CLDN4: variants seen among roughly 807,000 people sequenced by gnomAD.
CLDN4 encodes the protein claudin 4, also known as claudin-4.
In CLDN4, 12 loss-of-function variants were observed where a neutral mutation model predicts 13.7. That is an observed-to-expected ratio of 0.88 (90% CI 0.56 to 1.42). The LOEUF (loss-of-function observed/expected upper bound fraction) is 1.42, where lower values mean the gene tolerates loss of function less well. Among genes scored for constraint, CLDN4 ranks in the 40% most tolerant of loss-of-function variants. The pLI, the probability that CLDN4 is intolerant of heterozygous loss-of-function variation, is 0.00. For synonymous variants in CLDN4, 152 were observed against 140.6 expected, an observed-to-expected ratio of 1.08 and a Z score of -0.57; for missense variants, 252 against 297.4, an observed-to-expected ratio of 0.85 and a Z score of 1.12.
chr7:73,831,086 G>A lies in CLDN4; in HGVS notation c.-116G>A, dbSNP rs902909393. 52 of 1,277,884 alleles carry A rather than the reference G, an allele frequency of 4.1e-5. 1 individual carries two copies. Among genetic ancestry groups the A allele is most frequent in the Middle Eastern group, 4.3e-4 (2 of 4,686 alleles). 79.2% of individuals were successfully genotyped at this position (1,277,884 alleles called of 1,614,324 possible). ...GGACTGGCTTTATCTCCTGACTCACGGTGCAAAGGTGCACTCTGCGAACGT... is the reference window on the plus strand; with the variant it reads ...GGACTGGCTTTATCTCCTGACTCACAGTGCAAAGGTGCACTCTGCGAACGT... On this transcript the variant is annotated 5_prime_UTR_variant, in exon 1 of 1. Coordinates refer to ENST00000340958, the MANE Select transcript of CLDN4 (RefSeq NM_001305.5).
In CLDN4 at chr7:73,832,078, G is replaced by C; in HGVS notation, c.*247G>C. 2.0e-6 allele frequency: 1 copy of C among 488,664 alleles called. No individual in the cohort carries two copies. Among genetic ancestry groups the C allele is most frequent in the Non-Finnish European group, 3.7e-6 (1 of 272,756 alleles). The allele number at this position is 488,664 out of a possible 1,614,324, so 30.3% of individuals were successfully genotyped here. On this transcript the variant is annotated 3_prime_UTR_variant, in exon 1 of 1. Coordinates refer to ENST00000340958, the MANE Select transcript of CLDN4 (RefSeq NM_001305.5). ...CTCCTCTGGATATTGGGGAGGGACG[G>C]AAGTGACAGGGTGTGGTGGTGGAGT...
rs1788024831 is a variant in CLDN4 at position 73,831,288 on chromosome 7, G to A, written c.87G>A (p.Met29Ile). The change falls in exon 1 of 1, where the codon ATG (methionine) becomes ATA (isoleucine). Residue 29 changes from methionine (M) to isoleucine (I), a missense_variant. Met to Ile is a conservative substitution (Grantham distance 10). Coordinates refer to ENST00000340958, the MANE Select transcript of CLDN4 (RefSeq NM_001305.5). ...TCATGCTGTGCTGCGCGCTGCCCAT[G>A]TGGCGCGTGACGGCCTTCATCGGCA... is the stretch of plus-strand genomic sequence containing the variant. ...LAVMLCCALP[M>I]WRVTAFIGSN... 1.2e-6 allele frequency: 2 copies of A among 1,613,454 alleles called. No homozygotes were observed. Among genetic ancestry groups the A allele is most frequent in the South Asian group, 2.2e-5 (2 of 90,998 alleles).
Position 73,831,941 on chromosome 7 carries a change from C to G in CLDN4, c.*110C>G. 7.1e-7 allele frequency: 1 copy of G among 1,413,422 alleles called. No individual in the cohort carries two copies. The highest frequency in any genetic ancestry group is 9.6e-7 in the Non-Finnish European group (1 of 1,043,536). The allele number at this position is 1,413,422 out of a possible 1,614,324, so 87.6% of individuals were successfully genotyped here. On this transcript the variant is annotated 3_prime_UTR_variant, in exon 1 of 1. Coordinates refer to ENST00000340958, the MANE Select transcript of CLDN4 (RefSeq NM_001305.5). ...GCCACGGGCCACTGGCTGCTGGGGACTGGGGACTGGGCAGAGACTGAGCCA... is the reference window on the plus strand; with the variant it reads ...GCCACGGGCCACTGGCTGCTGGGGAGTGGGGACTGGGCAGAGACTGAGCCA...
Position 73,831,762 on chromosome 7 carries a change from C to T in CLDN4, c.561C>T (p.Pro187=). ...GGCTGCTTTGCTGCAACTGTCCACC[C>T]CGCACAGACAAGCCTTACTCCGCCA... ...GGGLLCCNCP[P]RTDKPYSAKY... The change falls in exon 1 of 1, where the codon CCC becomes CCT. Residue 187 remains proline, a synonymous_variant. Transcript: ENST00000340958. 1.2e-6 allele frequency: 2 copies of T among 1,607,416 alleles called. No homozygotes were observed. The highest frequency in any genetic ancestry group is 1.7e-6 in the Non-Finnish European group (2 of 1,175,748).
In CLDN4 at chr7:73,831,194, G is replaced by A. The variant is rs782506122; in HGVS notation, c.-8G>A. 3.2e-6 allele frequency: 5 copies of A among 1,545,316 alleles called. No individual in the cohort carries two copies. Among genetic ancestry groups the A allele is most frequent in the Non-Finnish European group, 2.6e-6 (3 of 1,143,762 alleles). On this transcript the variant is annotated 5_prime_UTR_variant, in exon 1 of 1. Coordinates refer to ENST00000340958, the MANE Select transcript of CLDN4 (RefSeq NM_001305.5). ...TTCCAGGTCCTCAACTCCCGTGGAC[G>A]CTGAACAATGGCCTCCATGGGGCTA...
rs782432494 is a variant in CLDN4, at chr7:73,831,293, G to A, written c.92G>A (p.Arg31His). The A allele has an allele frequency of 2.2e-5, 36 of 1,613,576 alleles. No individual in the cohort carries two copies. The East Asian group carries it at 3.8e-4, about 17-fold the overall frequency. Residue 31 changes from arginine (R) to histidine (H), a missense_variant, in exon 1 of 1, where the codon CGC becomes CAC. Arg to His is a conservative substitution (Grantham distance 29, BLOSUM62 0). Coordinates refer to ENST00000340958, the MANE Select transcript of CLDN4 (RefSeq NM_001305.5). ...CTGTGCTGCGCGCTGCCCATGTGGC[G>A]CGTGACGGCCTTCATCGGCAGCAAC... ...VMLCCALPMWRVTAFIGSNIV... is the reference protein window; with the variant it reads ...VMLCCALPMWHVTAFIGSNIV...
In CLDN4 at chr7:73,831,483, C is replaced by T. The variant is rs782540326; in HGVS notation, c.282C>T (p.Gly94=). Residue 94 remains glycine (G), a synonymous_variant, in exon 1 of 1, where the codon GGC becomes GGT. Coordinates refer to ENST00000340958, the MANE Select transcript of CLDN4 (RefSeq NM_001305.5). ...TCAGCATCATCGTGGCTGCTCTGGG[C>T]GTGCTGCTGTCCGTGGTGGGGGGCA... ...VIISIIVAAL[G]VLLSVVGGKC... The T allele has an allele frequency of 1.2e-5, 19 of 1,614,062 alleles. No homozygotes were observed. The highest frequency in any genetic ancestry group is 1.7e-5 in the Admixed American group (1 of 60,014).
In CLDN4 at chr7:73,832,034, A is replaced by G. The variant is rs998199512; in HGVS notation, c.*203A>G. 8.3e-6 allele frequency: 5 copies of G among 601,162 alleles called. No individual in the cohort carries two copies. The highest frequency in any genetic ancestry group is 6.7e-5 in the Admixed American group (2 of 29,790). The allele number at this position is 601,162 out of a possible 1,614,324, so 37.2% of individuals were successfully genotyped here. A position where few individuals can be genotyped will look rare whatever the true frequency, so the allele number is the denominator to read the frequency against. On this transcript the variant is annotated 3_prime_UTR_variant, in exon 1 of 1. Transcript: ENST00000340958. The stretch of plus-strand genomic sequence containing the variant: ...CAACTTCCCAAGGCCGCCTCCTGCT[A>G]GCAAGAACAGAGTCCACCCTCCTCT...
In CLDN4 at chr7:73,831,412, C is replaced by G. The variant is rs1554634078; in HGVS notation, c.211C>G (p.Leu71Val). The G allele has an allele frequency of 1.9e-6, 3 of 1,614,144 alleles. No homozygotes were observed. Among genetic ancestry groups the G allele is most frequent in the Admixed American group, 3.3e-5 (2 of 60,024 alleles). ...GCAGTGCAAGGTGTACGACTCGCTG[C>G]TGGCACTGCCGCAGGACCTGCAGGC... The part of the protein sequence containing the change: ...QMQCKVYDSL[L>V]ALPQDLQAAR... Residue 71 changes from leucine (L) to valine (V), a missense_variant, in exon 1 of 1, where the codon CTG becomes GTG. Transcript: ENST00000340958.
chr7:73,831,828 G>A lies in CLDN4; in HGVS notation c.627G>A (p.Val209=), dbSNP rs369534695. 1.3e-6 allele frequency: 2 copies of A among 1,564,052 alleles called. No homozygotes were observed. The highest frequency in any genetic ancestry group is 2.7e-5 in the African/African-American group (2 of 74,094). Residue 209 remains valine (V), a synonymous_variant, in exon 1 of 1, where the codon GTG becomes GTA. Coordinates refer to ENST00000340958, the MANE Select transcript of CLDN4 (RefSeq NM_001305.5). ...GCTCTGCTGCTGCCAGCAACTACGTGTAAGGTGCCACGGCTCCACTCTGTT... is the reference window on the plus strand; with the variant it reads ...GCTCTGCTGCTGCCAGCAACTACGTATAAGGTGCCACGGCTCCACTCTGTT... ...AARSAAASNY[V]
rs369886802 is a variant in CLDN4, at chr7:73,831,217, C to T, written c.16C>T (p.Leu6=). MASMG[L]QVMGIALAVL... is the part of the protein sequence containing the mutation. ...ACGCTGAACAATGGCCTCCATGGGG[C>T]TACAGGTAATGGGCATCGCGCTGGC... Residue 6 remains leucine, a synonymous_variant, in exon 1 of 1, where the codon CTA becomes TTA. Transcript: ENST00000340958. 2.9e-5 allele frequency: 46 copies of T among 1,572,720 alleles called. No individual in the cohort carries two copies. The highest frequency in any genetic ancestry group is 1.6e-4 in the Admixed American group (9 of 57,408).
Position 73,831,772 on chromosome 7 carries a change from A to G in CLDN4, c.571A>G (p.Lys191Glu), listed in dbSNP as rs782191312. The G allele has an allele frequency of 6.9e-5, 111 of 1,601,790 alleles. No homozygotes were observed. The highest frequency in any genetic ancestry group is 9.3e-5 in the Non-Finnish European group (109 of 1,172,338). The stretch of plus-strand genomic sequence containing the variant: ...CTGCAACTGTCCACCCCGCACAGAC[A>G]AGCCTTACTCCGCCAAGTATTCTGC... ...LCCNCPPRTDKPYSAKYSAAR... is the reference protein window; with the variant it reads ...LCCNCPPRTDEPYSAKYSAAR... Residue 191 changes from lysine (K) to glutamate (E), a missense_variant, in exon 1 of 1, where the codon AAG becomes GAG. Physicochemically the swap from Lys to Glu is moderately conservative, Grantham distance 56 (BLOSUM62 1). Transcript: ENST00000340958.
In CLDN4 at chr7:73,831,005, TG is replaced by T; in HGVS notation, c.-195del. ...AACCTGTCCCCGAGAGAGAGTGCCC[TG>T]GCAGCTGTCGGCTGGAAGGAACTGG... On this transcript the variant is annotated 5_prime_UTR_variant, in exon 1 of 1. Coordinates refer to ENST00000340958, the MANE Select transcript of CLDN4 (RefSeq NM_001305.5). 1 of 569,944 alleles carries T rather than the reference TG, an allele frequency of 1.8e-6. No individual in the cohort carries two copies. Among genetic ancestry groups the T allele is most frequent in the Non-Finnish European group, 2.9e-6 (1 of 342,304 alleles). The allele number at this position is 569,944 out of a possible 1,614,324, so 35.3% of individuals were successfully genotyped here. A position where few individuals can be genotyped will look rare whatever the true frequency, so the allele number is the denominator to read the frequency against.
chr7:73,831,899 G>A lies in CLDN4; in HGVS notation c.*68G>A. 6.6e-7 allele frequency: 1 copy of A among 1,509,592 alleles called. No individual in the cohort carries two copies. 93.5% of individuals were successfully genotyped at this position (1,509,592 alleles called of 1,614,324 possible). ...CTGGACTGAGCTCAGCGCAGGCTGT[G>A]ACCCCAGGAGGGCCCTGCCACGGGC... On this transcript the variant is annotated 3_prime_UTR_variant, in exon 1 of 1. Transcript: ENST00000340958.
chr7:73,831,526 G>A lies in CLDN4; in HGVS notation c.325G>A (p.Glu109Lys). 6.2e-7 allele frequency: 1 copy of A among 1,614,242 alleles called. No homozygotes were observed. The highest frequency in any genetic ancestry group is 1.7e-5 in the Admixed American group (1 of 60,038). The change falls in exon 1 of 1, where the codon GAG becomes AAG. Residue 109 changes from glutamate to lysine, a missense_variant. Coordinates refer to ENST00000340958, the MANE Select transcript of CLDN4 (RefSeq NM_001305.5). The part of the protein sequence containing the change: ...VVGGKCTNCL[E>K]DESAKAKTMI... ...GGGGGGCAAGTGTACCAACTGCCTG[G>A]AGGATGAAAGCGCCAAGGCCAAGAC...
rs782488509 is a variant in CLDN4, at chr7:73,831,500, T to TG, written c.305dup (p.Lys103GlnfsTer9). The TG allele has an allele frequency of 1.9e-6, 3 of 1,613,932 alleles. No homozygotes were observed. The highest frequency in any genetic ancestry group is 1.7e-6 in the Non-Finnish European group (2 of 1,180,008). On this transcript the variant is annotated frameshift_variant, in exon 1 of 1. Coordinates refer to ENST00000340958, the MANE Select transcript of CLDN4 (RefSeq NM_001305.5). LOFTEE classifies it high-confidence loss of function. ...GCTCTGGGCGTGCTGCTGTCCGTGG[T>TG]GGGGGGCAAGTGTACCAACTGCCTG...
At position 73,831,643 on chromosome 7, in the gene CLDN4, T is replaced by C; in HGVS notation, c.442T>C (p.Tyr148His). Residue 148 changes from tyrosine (Y) to histidine (H), a missense_variant, in exon 1 of 1, where the codon TAC becomes CAC. Coordinates refer to ENST00000340958, the MANE Select transcript of CLDN4 (RefSeq NM_001305.5). ...WTAHNIIQDF[Y>H]NPLVASGQKR... ...GGCCCACAACATCATCCAAGACTTC[T>C]ACAATCCGCTGGTGGCCTCCGGGCA... 1 of 1,614,114 alleles carries C rather than the reference T, an allele frequency of 6.2e-7. No individual in the cohort carries two copies. Among genetic ancestry groups the C allele is most frequent in the Non-Finnish European group, 8.5e-7 (1 of 1,179,974 alleles).
rs1226202132 is a variant in CLDN4 at position 73,832,520 on chromosome 7, C to G, written c.*689C>G. On this transcript the variant is annotated 3_prime_UTR_variant, in exon 1 of 1. Coordinates refer to ENST00000340958, the MANE Select transcript of CLDN4 (RefSeq NM_001305.5). ...GAGTCCTCTGCCCCTTCCAAGGACACTAATGAGCCTGGGAGGGTGGCAGGG... is the reference window on the plus strand; with the variant it reads ...GAGTCCTCTGCCCCTTCCAAGGACAGTAATGAGCCTGGGAGGGTGGCAGGG... 2 of 167,084 alleles carry G rather than the reference C, an allele frequency of 1.2e-5. No homozygotes were observed. Among genetic ancestry groups the G allele is most frequent in the Non-Finnish European group, 2.9e-5 (2 of 68,160 alleles). The allele number at this position is 167,084 out of a possible 1,614,324, so 10.4% of individuals were successfully genotyped here.
At position 73,831,996 on chromosome 7, in the gene CLDN4, T is replaced by A; in HGVS notation, c.*165T>A. On this transcript the variant is annotated 3_prime_UTR_variant, in exon 1 of 1. Coordinates refer to ENST00000340958, the MANE Select transcript of CLDN4 (RefSeq NM_001305.5). ...GGAAGGCAGCAGCCTTCAGCCTCTCTGGCCCACTCGGACAACTTCCCAAGG... is the reference window on the plus strand; with the variant it reads ...GGAAGGCAGCAGCCTTCAGCCTCTCAGGCCCACTCGGACAACTTCCCAAGG... The A allele has an allele frequency of 1.1e-6, 1 of 933,102 alleles. No homozygotes were observed. The allele number at this position is 933,102 out of a possible 1,614,324, so 57.8% of individuals were successfully genotyped here.
Sources: gnomAD v4.1 joint callset for allele counts on GRCh38, gnomAD v4.1.1 for gene constraint, MANE v1.5 for transcripts, NCBI Gene and HGNC (gene_info 2026-07-23, HGNC 2026-07-21) for gene names.